Variants in PLPPR1 observed in about 807,000 individuals in gnomAD.
PLPPR1 encodes phospholipid phosphatase-related protein type 1.
PLPPR1 carries 10 observed loss-of-function variants against 33.1 expected under a neutral mutation model. That is an observed-to-expected ratio of 0.30 (90% CI 0.19 to 0.51). The LOEUF (loss-of-function observed/expected upper bound fraction) is 0.51, where lower values mean the gene tolerates loss of function less well. Among genes scored for constraint, PLPPR1 ranks in the 20% least tolerant of loss-of-function variants. PLPPR1 has a pLI of 0.97. For synonymous variants in PLPPR1, 151 were observed against 151.0 expected (o/e 1.00, Z 0.00); for missense variants, 304 against 408.1 (o/e 0.74, Z 2.20).
At position 101,251,379 on chromosome 9, in the gene PLPPR1, G is replaced by C. The variant is rs565587256; in HGVS notation, c.64-18501G>C. Reference sequence around the variant, plus strand: ...GATAGAATGTTGTGAGATTGCTCTGGAAATGCAATAGCACAGCAGTGTTAG... The same window carrying C: ...GATAGAATGTTGTGAGATTGCTCTGCAAATGCAATAGCACAGCAGTGTTAG... On this transcript the variant is annotated intron_variant, in intron 2 of 7. Transcript: ENST00000374874. Among the ~76,000 whole-genome samples the C allele has an allele frequency of 6.6e-5, 10 of 152,106 alleles. No individual in the cohort carries two copies. In the East Asian group the frequency reaches 1.9e-3, roughly 30 times the overall value.
At chr9:101,138,599 A>T (rs1447715595) in intron 1 of PLPPR1, among the ~76,000 whole-genome samples, 1 of 152,164 alleles carries the variant, frequency 6.6e-6, no homozygotes, top group Non-Finnish European at 1.5e-5. Context: ...TAGCTACCAG[A>T]ATTATTAAAT....
chr9:101,231,006 T>G (rs1827172553), intron 2 of PLPPR1, among the ~76,000 whole-genome samples: 1 of 151,972 alleles, frequency 6.6e-6, no homozygotes, highest in African/African-American at 2.4e-5. Context: ...GGCAGGAGGT[T>G]GTTATTCCTC....
At chr9:101,229,071 T>A in intron 2 of PLPPR1, among the ~76,000 whole-genome samples, 1 of 152,104 alleles carries the variant, frequency 6.6e-6, no homozygotes, top group Admixed American at 6.6e-5. Flanking sequence ...AAACTCAGAA[T>A]AAAAAAGTTG....
At chr9:101,297,089 T>G (rs915025975) in intron 4 of PLPPR1, among the ~76,000 whole-genome samples, 2 of 152,232 alleles carry the variant, frequency 1.3e-5, no homozygotes, top group Non-Finnish European at 2.9e-5. Flanking sequence ...AAAAATTAGC[T>G]GTTGTCACTT....
At chr9:101,234,356 C>G (rs906074343) in intron 2 of PLPPR1, among the ~76,000 whole-genome samples, 1 of 151,848 alleles carries the variant, frequency 6.6e-6, no homozygotes, top group East Asian at 1.9e-4. Flanking sequence ...AAAGTTTTCT[C>G]ATCATGTGGA....
rs1295914119 is a variant in PLPPR1 at position 101,223,161 on chromosome 9, A to C, written c.63+37604A>C. ...GACCCATCTCTACAAAAAAAAAAAA[A>C]AAAAAAAAAAAGAAAAGAAAAATTT... On this transcript the variant is annotated intron_variant, in intron 2 of 7. Coordinates refer to ENST00000374874, the MANE Select transcript of PLPPR1 (RefSeq NM_207299.2). 3.0e-5 allele frequency among the ~76,000 whole-genome samples: 4 copies of C among 131,844 alleles called. No homozygotes were observed. The East Asian group carries it at 1.0e-3, about 35-fold the overall frequency. The allele number at this position is 131,844 out of a possible 152,430, so 86.5% of individuals were successfully genotyped here. A position where few individuals can be genotyped will look rare whatever the true frequency, so the allele number is the denominator to read the frequency against.
At chr9:101,219,671 G>T (rs967127447) in intron 2 of PLPPR1, among the ~76,000 whole-genome samples, 1 of 152,154 alleles carries the variant, frequency 6.6e-6, no homozygotes, top group Non-Finnish European at 1.5e-5. Flanking sequence ...ACCTAAAGAT[G>T]CAGGGAACAT....
At chr9:101,313,605 T>C (rs1030903545) in intron 6 of PLPPR1, among the ~76,000 whole-genome samples, 4 of 152,220 alleles carry the variant, frequency 2.6e-5, no homozygotes, top group African/African-American at 9.6e-5. Flanking sequence ...ACATTTTTCT[T>C]GTATTTCTGA....
At chr9:101,099,083 A>AATAG (rs10645564) in intron 1 of PLPPR1, among the ~76,000 whole-genome samples, 63,175 of 149,994 alleles carry the variant, frequency 0.42, 13,582 homozygotes, top group Non-Finnish European at 0.47. Flanking sequence ...AAATAAGTCT[A>AATAG]ATGGATGTGG....
intron 3 of PLPPR1, among the ~76,000 whole-genome samples, chr9:101,271,335 T>TGCC (rs1828096446): frequency 6.6e-6 from 1 of 152,194 alleles, no homozygotes; most frequent in South Asian, 2.1e-4. Flanking sequence ...CTTAGCGCAG[T>TGCC]GCCTGGCATT....
chr9:101,050,768 T>C (rs1049461961), intron 1 of PLPPR1, among the ~76,000 whole-genome samples: 2 of 152,206 alleles, frequency 1.3e-5, no homozygotes, highest in Non-Finnish European at 2.9e-5. Flanking sequence ...AATAGCAGCA[T>C]TGATTGATCC....
chr9:101,318,928 T>C (rs117104094), intron 7 of PLPPR1, among the ~76,000 whole-genome samples: 3,653 of 152,290 alleles, frequency 0.024, 60 homozygotes, highest in Middle Eastern at 0.075. Context: ...TTCATTAGCA[T>C]GTCATCTTTT....
chr9:101,284,285 A>G (rs537825571), intron 3 of PLPPR1, among the ~76,000 whole-genome samples: 2 of 152,276 alleles, frequency 1.3e-5, no homozygotes, highest in Non-Finnish European at 2.9e-5. Flanking sequence ...TAAAAAGGCA[A>G]TTCTGTCATT....
At chr9:101,107,798 G>A (rs1381959637) in intron 1 of PLPPR1, among the ~76,000 whole-genome samples, 1 of 145,484 alleles carries the variant, frequency 6.9e-6, no homozygotes, top group Non-Finnish European at 1.5e-5. Context: ...AGCAATCAGC[G>A]AGATTCCGTG....
intron 1 of PLPPR1, among the ~76,000 whole-genome samples, chr9:101,183,156 A>G (rs952452282): frequency 6.6e-6 from 1 of 151,732 alleles, no homozygotes; most frequent in Non-Finnish European, 1.5e-5. Flanking sequence ...TATCCATGAG[A>G]AATGAAAATA....
At chr9:101,133,336 T>G (rs1588041586) in intron 1 of PLPPR1, among the ~76,000 whole-genome samples, 1 of 152,162 alleles carries the variant, frequency 6.6e-6, no homozygotes, top group Non-Finnish European at 1.5e-5. Flanking sequence ...GAAAGAAAAT[T>G]TGCTGTAATT....
intron 2 of PLPPR1, among the ~76,000 whole-genome samples, chr9:101,264,131 T>C (rs1030226789): frequency 6.6e-6 from 1 of 152,144 alleles, no homozygotes; most frequent in South Asian, 2.1e-4. Context: ...TGTGCAACTA[T>C]TGACATTTGT....
intron 1 of PLPPR1, among the ~76,000 whole-genome samples, chr9:101,143,408 T>C (rs1250118140): frequency 1.3e-5 from 2 of 152,136 alleles, no homozygotes; most frequent in Non-Finnish European, 2.9e-5. Flanking sequence ...TCTCTCAGAA[T>C]GTGACTCTGT....
At chr9:101,064,098 C>A (rs896789265) in intron 1 of PLPPR1, among the ~76,000 whole-genome samples, 1 of 152,084 alleles carries the variant, frequency 6.6e-6, no homozygotes, top group Non-Finnish European at 1.5e-5. Context: ...ATTCTATAGA[C>A]AGGTTTGACA....
Sources: allele counts gnomAD v4.1 joint callset (sites outside exome capture counted in the v4.1 genomes callset), GRCh38; gene constraint gnomAD v4.1.1; transcripts MANE v1.5; gene names NCBI Gene and HGNC (gene_info 2026-07-23, HGNC 2026-07-21).